ATG3: variants seen among roughly 807,000 people sequenced by gnomAD.
The protein encoded by ATG3 is autophagy related 3, also known as ubiquitin-like-conjugating enzyme ATG3.
A neutral mutation model predicts 50.7 loss-of-function variants in ATG3; 25 were observed. The ratio of observed to expected loss-of-function variants is 0.49; its 90% CI spans 0.36 to 0.69. The LOEUF is 0.69. ATG3 is among the 30% of genes least tolerant of loss of function. The pLI, the probability that ATG3 is intolerant of heterozygous loss-of-function variation, is 0.00. For missense variants in ATG3, 281 were observed against 376.0 expected (o/e 0.75, Z 2.09); for synonymous variants, 119 against 125.5 (o/e 0.95, Z 0.34).
intron 5 of ATG3, among the ~76,000 whole-genome samples, chr3:112,546,504 A>C (rs1933374372): frequency 6.6e-6 from 1 of 152,246 alleles, no homozygotes; most frequent in Non-Finnish European, 1.5e-5. Flanking sequence ...TTTGGCACTT[A>C]ATATTTTTGG....
rs529759595 is a variant in ATG3 at position 112,542,512 on chromosome 3, A to G, written c.394-628T>C. ...AACATAATAAGTGGATAAACTGAATATTTAGTTTTACCTAGGTTACATTTT... is the reference window on the plus strand; with the variant it reads ...AACATAATAAGTGGATAAACTGAATGTTTAGTTTTACCTAGGTTACATTTT... On this transcript the variant is annotated intron_variant, in intron 6 of 11. Coordinates refer to ENST00000283290, the MANE Select transcript of ATG3 (RefSeq NM_022488.5). Among the ~76,000 whole-genome samples the G allele has an allele frequency of 2.0e-4, 30 of 152,238 alleles. No homozygotes were observed. The East Asian group carries it at 4.2e-3, about 22-fold the overall frequency.
chr3:112,536,369 A>C, intron 10 of ATG3, 106 bp downstream of exon 10: 1 of 1,390,480 alleles, frequency 7.2e-7, no homozygotes, highest in South Asian at 1.4e-5. Context: ...CTTTTTAGTA[A>C]GAAAATTTTT....
Position 112,553,349 on chromosome 3 carries a change from AAT to A in ATG3, c.115-22_115-21del, listed in dbSNP as rs1483386395. 1.2e-5 allele frequency: 19 copies of A among 1,607,734 alleles called. No individual in the cohort carries two copies. In the Admixed American group the frequency reaches 3.2e-4, roughly 27 times the overall value. ...CACAAACTATTCAGGATTTAAAAGT[AAT>A]ATGAAAAAAAGGAAAAAGAAAAATC... On this transcript the variant is annotated intron_variant, in intron 2 of 11. Coordinates refer to ENST00000283290, the MANE Select transcript of ATG3 (RefSeq NM_022488.5).
intron 3 of ATG3, among the ~76,000 whole-genome samples, chr3:112,551,391 G>C (rs1038347409): frequency 6.6e-6 from 1 of 152,228 alleles, no homozygotes; most frequent in Admixed American, 6.5e-5. Flanking sequence ...GAAGGCATAA[G>C]CATGGAAATA....
At chr3:112,556,758 T>C (rs1214801088) in intron 2 of ATG3, among the ~76,000 whole-genome samples, 1 of 151,986 alleles carries the variant, frequency 6.6e-6, no homozygotes, top group African/African-American at 2.4e-5. Context: ...ACATGTGCTG[T>C]GTCCACTCAG....
At chr3:112,554,502 C>A (rs1933610693) in intron 2 of ATG3, among the ~76,000 whole-genome samples, 1 of 152,216 alleles carries the variant, frequency 6.6e-6, no homozygotes, top group Non-Finnish European at 1.5e-5. Flanking sequence ...TCTATAAGAA[C>A]TAATGATAAT....
At chr3:112,540,736 C>A (rs1029885974) in intron 7 of ATG3, among the ~76,000 whole-genome samples, 25 of 150,560 alleles carry the variant, frequency 1.7e-4, no homozygotes, top group Non-Finnish European at 3.1e-4. Context: ...AGTAAGAAAA[C>A]CCAGTGTTAT....
At position 112,543,728 on chromosome 3, in the gene ATG3, C is replaced by CA. The variant is rs200570298; in HGVS notation, c.393+328dup. On this transcript the variant is annotated intron_variant, in intron 6 of 11. Transcript: ENST00000283290. Reference sequence around the variant, plus strand: ...ATTTGGTACTAAATACATTTTAAAACAAAAAAGTCATCTCTTTTAAACTAG... The same window carrying CA: ...ATTTGGTACTAAATACATTTTAAAACAAAAAAAGTCATCTCTTTTAAACTAG... Among the ~76,000 whole-genome samples the CA allele has an allele frequency of 8.6e-4, 131 of 152,098 alleles. 1 individual carries two copies. The East Asian group carries it at 0.018, about 21-fold the overall frequency.
chr3:112,553,764 A>G (rs1202752929), intron 2 of ATG3, among the ~76,000 whole-genome samples: 4 of 151,974 alleles, frequency 2.6e-5, no homozygotes, highest in African/African-American at 9.6e-5. Flanking sequence ...CTAAATAGAT[A>G]CAAGTCTATA....
intron 10 of ATG3, chr3:112,535,876 T>A (rs1455458973): frequency 6.6e-6 from 1 of 152,248 alleles, no homozygotes; most frequent in Non-Finnish European, 1.5e-5. Context: ...AACTGTTTTT[T>A]AAGAAAAATT....
intron 3 of ATG3, among the ~76,000 whole-genome samples, chr3:112,551,575 G>A (rs983318226): frequency 3.3e-5 from 5 of 151,956 alleles, no homozygotes; most frequent in East Asian, 3.9e-4. Flanking sequence ...AAAAGATCCC[G>A]TCCATATATA....
At chr3:112,540,016 A>G (rs1428236537) in intron 7 of ATG3, among the ~76,000 whole-genome samples, 1 of 152,238 alleles carries the variant, frequency 6.6e-6, no homozygotes, top group Non-Finnish European at 1.5e-5. Flanking sequence ...TCTGACAACT[A>G]TGAGACATCC....
At chr3:112,549,311 T>C (rs910376753) in intron 4 of ATG3, among the ~76,000 whole-genome samples, 1 of 152,122 alleles carries the variant, frequency 6.6e-6, no homozygotes, top group Non-Finnish European at 1.5e-5. Context: ...CTCCTGATTT[T>C]TTTAAAACAA....
At chr3:112,561,353 C>T (rs1933867968) in intron 1 of ATG3, 104 bp downstream of exon 1, 6 of 1,230,502 alleles carry the variant, frequency 4.9e-6, no homozygotes, top group Non-Finnish European at 5.9e-6. Context: ...CTACTGCCTT[C>T]CTACACCTTG....
At chr3:112,542,786 C>T (rs1282212036) in intron 6 of ATG3, among the ~76,000 whole-genome samples, 2 of 151,908 alleles carry the variant, frequency 1.3e-5, no homozygotes, top group Non-Finnish European at 2.9e-5. Context: ...GGCAAGTATT[C>T]TAAGTTACAA....
chr3:112,547,541 G>A (rs1431453790), intron 5 of ATG3, among the ~76,000 whole-genome samples: 1 of 152,182 alleles, frequency 6.6e-6, no homozygotes. Flanking sequence ...GTAATAAATG[G>A]TAGTTAGCTT....
At chr3:112,541,290 G>C (rs1357327270) in intron 7 of ATG3, among the ~76,000 whole-genome samples, 2 of 152,052 alleles carry the variant, frequency 1.3e-5, no homozygotes, top group Non-Finnish European at 2.9e-5. Context: ...AGGAGGCAGA[G>C]GCAAGAGAAT....
At chr3:112,559,600 G>A (rs1411388563) in intron 1 of ATG3, among the ~76,000 whole-genome samples, 4 of 152,186 alleles carry the variant, frequency 2.6e-5, no homozygotes, top group Admixed American at 2.6e-4. Flanking sequence ...AGACTTCACT[G>A]AATAATGACT....
At chr3:112,541,529 T>C (rs1933227204) in intron 7 of ATG3, among the ~76,000 whole-genome samples, 2 of 152,216 alleles carry the variant, frequency 1.3e-5, no homozygotes, top group African/African-American at 2.4e-5. Flanking sequence ...GGAATTAATA[T>C]CTTGCAGCCG....
Sources: allele counts gnomAD v4.1 joint callset (sites outside exome capture counted in the v4.1 genomes callset), GRCh38; gene constraint gnomAD v4.1.1; transcripts MANE v1.5; gene names NCBI Gene and HGNC (gene_info 2026-07-23, HGNC 2026-07-21).